Variants in CCDC14 observed in about 807,000 individuals in gnomAD.
The protein encoded by CCDC14 is coiled-coil domain containing 14, also known as coiled-coil domain-containing protein 14.
Under a neutral mutation model 81.4 loss-of-function variants are expected in CCDC14, and 71 were observed. The observed-to-expected ratio is 0.87, with a 90% CI of 0.72 to 1.06. CCDC14 has a LOEUF of 1.06. CCDC14 is among the 50% of genes least tolerant of loss of function. The pLI is 0.00. For missense variants in CCDC14, 1,046 were observed against 1,047.3 expected (o/e 1.00, Z 0.02); for synonymous variants, 332 against 364.8 (o/e 0.91, Z 1.03).
intron 5 of CCDC14, among the ~76,000 whole-genome samples, chr3:123,898,407 AG>A (rs2034112950): frequency 6.6e-6 from 1 of 152,162 alleles, no homozygotes; most frequent in Non-Finnish European, 1.5e-5. Flanking sequence ...GGCCCCTGGT[AG>A]GCTAAAATTC....
In CCDC14 at chr3:123,933,701, T is replaced by C. The variant is rs140280602; in HGVS notation, c.1398A>G (p.Pro466=). ...QLREQQKTQK[P]SGAVDCNLEL... is the part of the protein sequence containing the mutation. ...CAAGGTTGCAATCCACAGCACCAGA[T>C]GGTTTTTGAGTTTTCTGTTGTTCTC... Residue 466 remains proline (P), a synonymous_variant, in exon 10 of 13, where the codon CCA becomes CCG. Transcript: ENST00000409697. The C allele has an allele frequency of 9.5e-6, 15 of 1,575,388 alleles. No homozygotes were observed. The African/African-American group carries it at 1.1e-4, about 11-fold the overall frequency.
In CCDC14 at chr3:123,949,573, CCAAA is replaced by C. The variant is rs199725614; in HGVS notation, c.353-445_353-442del. On this transcript the variant is annotated intron_variant, in intron 5 of 12. Coordinates refer to ENST00000409697, the MANE Select transcript of CCDC14 (RefSeq NM_001366335.1). ...CAAAAACAAAACAAAACAAAACCAA[CCAAA>C]CAAACAAAATCTTGGCCTGGCATTT... is the stretch of plus-strand genomic sequence containing the variant. The C allele has an allele frequency of 6.0e-3, 926 of 154,262 alleles. 17 individuals are homozygous for C. The highest frequency in any genetic ancestry group is 0.049 in the East Asian group (256 of 5,240). The allele number at this position is 154,262 out of a possible 1,614,324, so 9.6% of individuals were successfully genotyped here.
At chr3:123,954,264 G>A (rs996897697) in intron 5 of CCDC14, 1 of 152,088 alleles carries the variant, frequency 6.6e-6, no homozygotes, top group African/African-American at 2.4e-5. Flanking sequence ...TTCTTCAAAG[G>A]TCAAATAAAT....
rs558180745 is a variant in CCDC14, at chr3:123,915,288, T to C, written c.2209A>G (p.Ser737Gly). 1.2e-6 allele frequency: 2 copies of C among 1,613,976 alleles called. No homozygotes were observed. Among genetic ancestry groups the C allele is most frequent in the Non-Finnish European group, 1.7e-6 (2 of 1,179,894 alleles). The change falls in exon 13 of 13, where the codon AGC becomes GGC. Residue 737 changes from serine to glycine, a missense_variant. Physicochemically the swap from Ser to Gly is moderately conservative, Grantham distance 56. Transcript: ENST00000409697. ...DNTIYIPFAR[S>G]TPEKKSPLSK... ...AGTGGTGATTTCTTTTCAGGAGTGC[T>C]TCTAGCAAAAGGAATGTAAATTGTA...
chr3:123,886,111 C>G, the CCDC14 span, among the ~76,000 whole-genome samples: 5 of 151,714 alleles, frequency 3.3e-5, no homozygotes, highest in African/African-American at 4.8e-5. Flanking sequence ...CAATATGGCT[C>G]CTGGCTCCTT....
At position 123,913,634 on chromosome 3, in the gene CCDC14, T is replaced by A. The variant is rs1171192429; in HGVS notation, c.*1145A>T. 19 of 980,178 alleles carry A rather than the reference T, an allele frequency of 1.9e-5. No homozygotes were observed. Among genetic ancestry groups the A allele is most frequent in the Admixed American group, 6.4e-5 (1 of 15,696 alleles). The allele number at this position is 980,178 out of a possible 1,614,324, so 60.7% of individuals were successfully genotyped here. ...GAAAATCTGAACATATCAAAGAGAC[T>A]ACAGCTGGCTCCTTCAAACGCTGTA... On this transcript the variant is annotated 3_prime_UTR_variant, in exon 13 of 13. Transcript: ENST00000409697.
chr3:123,908,542 G>GT (rs1278841981), downstream of CCDC14, among the ~76,000 whole-genome samples: 3 of 152,138 alleles, frequency 2.0e-5, no homozygotes, highest in East Asian at 3.8e-4. Flanking sequence ...ATCATTGCCT[G>GT]TTTAAGTGTT....
At chr3:123,923,024 A>C (rs2035145754) in intron 12 of CCDC14, among the ~76,000 whole-genome samples, 2 of 152,162 alleles carry the variant, frequency 1.3e-5, no homozygotes, top group Admixed American at 6.6e-5. Flanking sequence ...GACTTAAAAA[A>C]CCCTCAACAA....
In CCDC14 at chr3:123,946,929, T is replaced by C. The variant is rs1452000420; in HGVS notation, c.1075A>G (p.Ile359Val). The C allele has an allele frequency of 1.9e-6, 3 of 1,614,014 alleles. No homozygotes were observed. The highest frequency in any genetic ancestry group is 1.3e-5 in the African/African-American group (1 of 75,062). Reference sequence around the variant, plus strand: ...ACTGTTTTTGTATCTCGCACATGTATGTTTAAATCCTTTCTTTCACTTGTG... The same window carrying C: ...ACTGTTTTTGTATCTCGCACATGTACGTTTAAATCCTTTCTTTCACTTGTG... ...EATSERKDLNIHVRDTKTVKD... is the reference protein window; with the variant it reads ...EATSERKDLNVHVRDTKTVKD... Residue 359 changes from isoleucine to valine, a missense_variant, in exon 8 of 13, where the codon ATA (isoleucine) becomes GTA (valine). Ile to Val is a conservative substitution (Grantham distance 29, BLOSUM62 3). Coordinates refer to ENST00000409697, the MANE Select transcript of CCDC14 (RefSeq NM_001366335.1).
chr3:123,949,202 GAAGA>G (rs2148932112), intron 5 of CCDC14, 70 bp from the exon 6 acceptor site: 2 of 933,466 alleles, frequency 2.1e-6, no homozygotes, highest in African/African-American at 1.7e-5. Flanking sequence ...GATTTTAAGA[GAAGA>G]AAGGGCTCTC....
intron 9 of CCDC14, among the ~76,000 whole-genome samples, chr3:123,939,707 A>G (rs1365750253): frequency 2.6e-5 from 4 of 151,734 alleles, no homozygotes; most frequent in African/African-American, 9.7e-5. Context: ...CCATGCATTC[A>G]GTCAATTTAA....
intron 5 of CCDC14, among the ~76,000 whole-genome samples, chr3:123,903,621 G>A (rs551946188): frequency 5.9e-5 from 9 of 152,328 alleles, no homozygotes; most frequent in Admixed American, 5.2e-4. Context: ...CACAGCAATA[G>A]ATTTGGTAGA....
chr3:123,952,092 C>T (rs369037542), intron 5 of CCDC14, among the ~76,000 whole-genome samples: 88 of 152,306 alleles, frequency 5.8e-4, no homozygotes, highest in Middle Eastern at 3.4e-3. Context: ...TACACCAACG[C>T]ACTCTACATG....
At chr3:123,930,694 G>GT (rs1277841087) in intron 12 of CCDC14, 3 of 155,840 alleles carry the variant, frequency 1.9e-5, no homozygotes, top group African/African-American at 4.8e-5. Context: ...TGATTTCTTA[G>GT]TTTCCCATGA....
At chr3:123,896,947 C>T (rs78513098), downstream of CCDC14, among the ~76,000 whole-genome samples, 326 of 152,170 alleles carry the variant, frequency 2.1e-3, 1 homozygote, top group African/African-American at 7.5e-3. Flanking sequence ...ATTACCTCCC[C>T]ATGTACTAAG....
the CCDC14 span, among the ~76,000 whole-genome samples, chr3:123,887,687 A>C: frequency 2.0e-5 from 3 of 152,230 alleles, no homozygotes; most frequent in Non-Finnish European, 2.9e-5. Flanking sequence ...ATTTTATTAG[A>C]ATGTTTGTTG....
chr3:123,910,310 T>C (rs1284006912), downstream of CCDC14, among the ~76,000 whole-genome samples: 1 of 152,114 alleles, frequency 6.6e-6, no homozygotes, highest in Non-Finnish European at 1.5e-5. Flanking sequence ...TATAAGATTA[T>C]AGAAAATGAC....
intron 5 of CCDC14, among the ~76,000 whole-genome samples, chr3:123,903,297 AACAC>A (rs57466490): frequency 0.021 from 3,033 of 144,220 alleles, 43 homozygotes; most frequent in Admixed American, 0.045. Context: ...TTATTTTTCA[AACAC>A]ACACACACAC....
At chr3:123,927,564 T>C (rs574417954) in intron 12 of CCDC14, among the ~76,000 whole-genome samples, 5 of 152,144 alleles carry the variant, frequency 3.3e-5, no homozygotes, top group African/African-American at 4.8e-5. Flanking sequence ...CAATCATTCA[T>C]AAGAGTGCAG....
Sources: allele counts gnomAD v4.1 joint callset (sites outside exome capture counted in the v4.1 genomes callset), GRCh38; gene constraint gnomAD v4.1.1; transcripts MANE v1.5; gene names NCBI Gene and HGNC (gene_info 2026-07-23, HGNC 2026-07-21).